C2CD2: variants seen among roughly 807,000 people sequenced by gnomAD.
The protein encoded by C2CD2 is C2 domain-containing protein 2.
C2CD2 carries 43 observed loss-of-function variants against 74.3 expected under a neutral mutation model. The observed-to-expected ratio is 0.58, with a 90% CI of 0.45 to 0.75. The LOEUF is 0.75. Among genes scored for constraint, C2CD2 ranks in the 30% least tolerant of loss-of-function variants. C2CD2 has a pLI of 0.00. For missense variants in C2CD2, 801 were observed against 916.3 expected (o/e 0.87, Z 1.63); for synonymous variants, 422 against 390.7 (o/e 1.08, Z -0.94).
At chr21:41,925,119 C>G (rs118112620) in intron 2 of C2CD2, among the ~76,000 whole-genome samples, 2,199 of 152,258 alleles carry the variant, frequency 0.014, 25 homozygotes, top group Admixed American at 0.022. Flanking sequence ...TCGCTACCCT[C>G]TAAATAAAAC....
intron 12 of C2CD2, 68 bp downstream of exon 12, chr21:41,901,554 A>AGG: frequency 1.3e-6 from 2 of 1,558,636 alleles, no homozygotes; most frequent in Non-Finnish European, 1.8e-6. Flanking sequence ...ACTTCTTCAA[A>AGG]GGGCAGAGGA....
rs1018722611 is a variant in C2CD2, at chr21:41,885,840, G to T, written c.*3284C>A. 6.6e-6 allele frequency: 1 copy of T among 152,326 alleles called. No individual in the cohort carries two copies. Among genetic ancestry groups the T allele is most frequent in the African/African-American group, 2.4e-5 (1 of 41,440 alleles). The allele number at this position is 152,326 out of a possible 1,614,324, so 9.4% of individuals were successfully genotyped here. ...CAAAAATCTAAACGGGCACCAGGTG[G>T]CCACTGAGTGGCGACTGGTCGAGTA... On this transcript the variant is annotated 3_prime_UTR_variant, in exon 14 of 14. Transcript: ENST00000380486.
At position 41,912,443 on chromosome 21, in the gene C2CD2, G is replaced by T; in HGVS notation, c.845-3C>A. Reference sequence around the variant, plus strand: ...GACGCACACTGCATTAATGTGGCCTGTAATTAAATAGAAGGGCATCGTGTT... The same window carrying T: ...GACGCACACTGCATTAATGTGGCCTTTAATTAAATAGAAGGGCATCGTGTT... On this transcript the variant is annotated splice_region_variant and splice_polypyrimidine_tract_variant and intron_variant, in intron 6 of 13. Transcript: ENST00000380486. 1 of 1,555,138 alleles carries T rather than the reference G, an allele frequency of 6.4e-7. No homozygotes were observed. The highest frequency in any genetic ancestry group is 8.7e-7 in the Non-Finnish European group (1 of 1,144,444).
chr21:41,915,686 C>T (rs747480810), intron 5 of C2CD2, among the ~76,000 whole-genome samples: 4 of 152,302 alleles, frequency 2.6e-5, no homozygotes, highest in South Asian at 4.1e-4. Context: ...GTGATCCGCA[C>T]GCCTCAGCCT....
chr21:41,906,922 T>C, intron 10 of C2CD2, 70 bp downstream of exon 10: 1 of 1,245,386 alleles, frequency 8.0e-7, no homozygotes. Context: ...AACTCTGCAG[T>C]TGTGGGGGCA....
chr21:41,894,178 C>T (rs768083501), intron 13 of C2CD2, among the ~76,000 whole-genome samples: 8 of 152,298 alleles, frequency 5.3e-5, no homozygotes, highest in South Asian at 4.1e-4. Flanking sequence ...CAGTCATGTG[C>T]GGGTGGGGAC....
In C2CD2 at chr21:41,899,565, C is replaced by T. The variant is rs1241943414; in HGVS notation, c.1561-203G>A. Among the ~76,000 whole-genome samples the T allele has an allele frequency of 6.6e-6, 1 of 152,108 alleles. No individual in the cohort carries two copies. The highest frequency in any genetic ancestry group is 6.5e-5 in the Admixed American group (1 of 15,292). On this transcript the variant is annotated intron_variant, in intron 12 of 13. Coordinates refer to ENST00000380486, the MANE Select transcript of C2CD2 (RefSeq NM_015500.2). The surrounding 1 kb of genome is among the most constrained non-coding windows in gnomAD (Gnocchi z 4.4). ...AAAAAGGTCTCCCTTACAGCCAGGG[C>T]TCAGGATCCCTAGGCAGCTGGGGGT... is the stretch of plus-strand genomic sequence containing the variant.
At chr21:41,950,187 G>C (rs1440634955) in intron 1 of C2CD2, among the ~76,000 whole-genome samples, 1 of 152,142 alleles carries the variant, frequency 6.6e-6, no homozygotes, top group East Asian at 1.9e-4. Flanking sequence ...TGGATGGCAA[G>C]TGTGTACTAG....
chr21:41,949,796 T>C (rs767214908), intron 1 of C2CD2, among the ~76,000 whole-genome samples: 2 of 152,204 alleles, frequency 1.3e-5, no homozygotes, highest in Non-Finnish European at 2.9e-5. Context: ...CACCATGGAA[T>C]ACTATGCAGC....
intron 2 of C2CD2, among the ~76,000 whole-genome samples, chr21:41,927,891 G>C (rs2065229069): frequency 6.6e-6 from 1 of 152,058 alleles, no homozygotes. Flanking sequence ...CACCACGTGG[G>C]GCTCCTGCGT....
intron 9 of C2CD2, 23 bp from the exon 10 acceptor site, chr21:41,907,189 G>T: frequency 6.2e-7 from 1 of 1,610,164 alleles, no homozygotes; most frequent in African/African-American, 1.3e-5. Flanking sequence ...CGCGTTACTT[G>T]TTTCTGGTTT....
At chr21:41,920,090 A>T (rs2065139132) in intron 3 of C2CD2, among the ~76,000 whole-genome samples, 1 of 152,208 alleles carries the variant, frequency 6.6e-6, no homozygotes, top group Non-Finnish European at 1.5e-5. Flanking sequence ...GCCACAAGAA[A>T]ATGGAACTCA....
intron 1 of C2CD2, among the ~76,000 whole-genome samples, chr21:41,950,914 G>T (rs2065444959): frequency 6.6e-6 from 1 of 152,182 alleles, no homozygotes; most frequent in African/African-American, 2.4e-5. Flanking sequence ...CCAAGAACTG[G>T]TCTCCTCCCT....
chr21:41,923,594 C>T lies in C2CD2; in HGVS notation c.379-1509G>A, dbSNP rs769299144. ...TCAAACAATTATAAAATTATGCAGCCGTACCAAAACCAGAATTATAAAATG... is the reference window on the plus strand; with the variant it reads ...TCAAACAATTATAAAATTATGCAGCTGTACCAAAACCAGAATTATAAAATG... On this transcript the variant is annotated intron_variant, in intron 2 of 13. Transcript: ENST00000380486. The surrounding 1 kb of genome is among the most constrained non-coding windows in gnomAD (Gnocchi z 5.8). Among the ~76,000 whole-genome samples the T allele has an allele frequency of 2.0e-5, 3 of 152,078 alleles. No individual in the cohort carries two copies. The highest frequency in any genetic ancestry group is 4.8e-5 in the African/African-American group (2 of 41,386).
Position 41,926,393 on chromosome 21 carries a change from G to C in C2CD2, c.379-4308C>G, listed in dbSNP as rs1167491794. 4.2e-5 allele frequency: 41 copies of C among 979,932 alleles called. No individual in the cohort carries two copies. Among genetic ancestry groups the C allele is most frequent in the Middle Eastern group, 5.2e-4 (1 of 1,926 alleles). 60.7% of individuals were successfully genotyped at this position (979,932 alleles called of 1,614,324 possible). A position where few individuals can be genotyped will look rare whatever the true frequency, so the allele number is the denominator to read the frequency against. On this transcript the variant is annotated intron_variant, in intron 2 of 13. Coordinates refer to ENST00000380486, the MANE Select transcript of C2CD2 (RefSeq NM_015500.2). The surrounding 1 kb of genome is among the most constrained non-coding windows in gnomAD (Gnocchi z 8.0). ...GGGTCTCCACATGGAAAGGCCAAGG[G>C]GGGACTCACGGTTGGCAGGTGAGGG...
chr21:41,889,460 T>A (rs2064722880), intron 13 of C2CD2, 116 bp from the exon 14 acceptor site: 1 of 693,782 alleles, frequency 1.4e-6, no homozygotes, highest in African/African-American at 1.8e-5. Flanking sequence ...AGGGCCAGTT[T>A]ACTACTTCAA....
intron 12 of C2CD2, among the ~76,000 whole-genome samples, chr21:41,900,306 A>G (rs747068020): frequency 6.6e-6 from 1 of 152,214 alleles, no homozygotes; most frequent in Non-Finnish European, 1.5e-5. Flanking sequence ...TAAAGATTAG[A>G]TAATCTGAGC....
chr21:41,944,891 G>A (rs767854763), intron 1 of C2CD2, among the ~76,000 whole-genome samples: 12 of 152,158 alleles, frequency 7.9e-5, no homozygotes, highest in East Asian at 1.9e-4. Flanking sequence ...TAGAAACCCC[G>A]TAATTAAAAC....
chr21:41,902,369 T>C (rs1191007620), intron 11 of C2CD2, among the ~76,000 whole-genome samples: 1 of 152,200 alleles, frequency 6.6e-6, no homozygotes, highest in East Asian at 1.9e-4. Flanking sequence ...CCAACATCAA[T>C]AGAATGCTTA....
Sources: allele counts gnomAD v4.1 joint callset (sites outside exome capture counted in the v4.1 genomes callset), GRCh38; gene constraint gnomAD v4.1.1; non-coding constraint Gnocchi (gnomAD v3.1); transcripts MANE v1.5; gene names NCBI Gene and HGNC (gene_info 2026-07-23, HGNC 2026-07-21).